The following PTPRA variants were observed in gnomAD, a reference collection of about 807,000 sequenced individuals.
PTPRA encodes protein tyrosine phosphatase receptor type A.
In PTPRA, 25 loss-of-function variants were observed where a neutral mutation model predicts 104.8. That is an observed-to-expected ratio of 0.24 (90% CI 0.17 to 0.33). PTPRA has a LOEUF of 0.33. PTPRA is among the 10% of genes least tolerant of loss of function. The pLI is 1.00. For synonymous variants in PTPRA, 323 were observed against 368.9 expected (o/e 0.88, Z 1.43); for missense variants, 765 against 1,015.3 (o/e 0.75, Z 3.35).
chr20:2,962,090 T>G (rs970810940), intron 3 of PTPRA, among the ~76,000 whole-genome samples: 1 of 152,236 alleles, frequency 6.6e-6, no homozygotes, highest in Non-Finnish European at 1.5e-5. Context: ...TGTCTCTCCA[T>G]GTAAACTTTA....
intron 1 of PTPRA, among the ~76,000 whole-genome samples, chr20:2,907,739 A>G (rs2059479026): frequency 6.6e-6 from 1 of 152,130 alleles, no homozygotes; most frequent in Non-Finnish European, 1.5e-5. Context: ...TTGAATAAAC[A>G]TCTGAACAGT....
intron 1 of PTPRA, among the ~76,000 whole-genome samples, chr20:2,900,211 G>T (rs565578529): frequency 2.0e-5 from 3 of 151,740 alleles, no homozygotes; most frequent in Non-Finnish European, 4.4e-5. Context: ...AGGCGGTAGC[G>T]CAGTGACACG....
intron 13 of PTPRA, among the ~76,000 whole-genome samples, chr20:3,019,810 G>A (rs1568700931): frequency 1.3e-5 from 2 of 152,316 alleles, no homozygotes; most frequent in East Asian, 1.9e-4. Context: ...ACGAGACTCC[G>A]TCTGCAATCC....
intron 2 of PTPRA, among the ~76,000 whole-genome samples, chr20:2,930,317 A>C (rs1490457958): frequency 1.3e-5 from 2 of 152,158 alleles, no homozygotes; most frequent in Non-Finnish European, 2.9e-5. Flanking sequence ...GTAGGTGAAA[A>C]AAGGATTCCA....
intron 1 of PTPRA, among the ~76,000 whole-genome samples, chr20:2,879,210 T>A (rs1327848724): frequency 6.6e-6 from 1 of 152,138 alleles, no homozygotes; most frequent in Non-Finnish European, 1.5e-5. Flanking sequence ...AGTTAAACAT[T>A]TGTGAAGGCC....
intron 1 of PTPRA, among the ~76,000 whole-genome samples, chr20:2,910,578 G>GTTTCTTTTTTTTTTTTTTTTTT (rs1337126801): frequency 4.3e-4 from 14 of 32,422 alleles, no homozygotes; most frequent in South Asian, 1.6e-3. Context: ...TGCCCAGCTA[G>GTTTCTTTTTTTTTTTTTTTTTT]TTTTTTTTTT....
intron 1 of PTPRA, among the ~76,000 whole-genome samples, chr20:2,890,290 T>G (rs1356587572): frequency 6.6e-6 from 1 of 152,106 alleles, no homozygotes; most frequent in East Asian, 1.9e-4. Flanking sequence ...GGCCCTACAG[T>G]TATTTTAATT....
intron 9 of PTPRA, among the ~76,000 whole-genome samples, chr20:2,990,553 T>TACA (rs768046525): frequency 1.2e-4 from 19 of 152,042 alleles, no homozygotes; most frequent in Admixed American, 2.6e-4. Context: ...ACCCCATCTC[T>TACA]ACAACAACAA....
At chr20:3,000,049 G>T (rs1020883476) in intron 9 of PTPRA, among the ~76,000 whole-genome samples, 1 of 152,142 alleles carries the variant, frequency 6.6e-6, no homozygotes, top group African/African-American at 2.4e-5. Flanking sequence ...ACTTTGGGAG[G>T]CTGAGGTAGG....
At chr20:3,025,282 G>A (rs1322009748) in intron 17 of PTPRA, among the ~76,000 whole-genome samples, 3 of 151,786 alleles carry the variant, frequency 2.0e-5, no homozygotes, top group East Asian at 1.9e-4. Flanking sequence ...GTGAAACCCC[G>A]TCTCTACTAA....
chr20:2,864,480 G>C, the PTPRA span: 1 of 1,614,056 alleles, frequency 6.2e-7, no homozygotes, highest in Admixed American at 1.7e-5. The surrounding 1 kb of genome is among the most constrained non-coding windows in gnomAD (Gnocchi z 5.2). Flanking sequence ...TAGTGGGCAG[G>C]GTTGTGGTGT....
At chr20:2,894,535 C>T (rs983935220) in intron 1 of PTPRA, among the ~76,000 whole-genome samples, 3 of 151,698 alleles carry the variant, frequency 2.0e-5, no homozygotes, top group East Asian at 1.9e-4. Flanking sequence ...CTTGAACTCC[C>T]GGGCTCAAGT....
intron 2 of PTPRA, among the ~76,000 whole-genome samples, chr20:2,934,312 G>A (rs566587084): frequency 3.9e-5 from 6 of 151,912 alleles, no homozygotes; most frequent in Non-Finnish European, 8.8e-5. Flanking sequence ...CCATGTTGCT[G>A]AGCCTGGTCT....
At chr20:2,866,120 G>A in the PTPRA span, 1 of 1,074,754 alleles carries the variant, frequency 9.3e-7, no homozygotes, top group Middle Eastern at 2.0e-4. Context: ...GAATATATAT[G>A]GACGATGTAT....
intron 1 of PTPRA, among the ~76,000 whole-genome samples, chr20:2,911,895 T>C (rs188069508): frequency 6.0e-4 from 92 of 152,172 alleles, no homozygotes; most frequent in Admixed American, 5.1e-3. Context: ...AAAAGACTGC[T>C]CTCAAACTAA....
intron 1 of PTPRA, among the ~76,000 whole-genome samples, chr20:2,905,999 A>G (rs558894823): frequency 2.3e-4 from 35 of 152,174 alleles, no homozygotes; most frequent in African/African-American, 7.0e-4. Flanking sequence ...TAAAATTCTT[A>G]AACGATCTAT....
At chr20:2,874,721 G>A (rs1038768345) in intron 1 of PTPRA, among the ~76,000 whole-genome samples, 1 of 152,182 alleles carries the variant, frequency 6.6e-6, no homozygotes, top group African/African-American at 2.4e-5. Flanking sequence ...GCTGTCACTT[G>A]TTTACTTAAA....
chr20:2,978,640 G>T (rs1307852124), intron 6 of PTPRA, among the ~76,000 whole-genome samples: 1 of 152,064 alleles, frequency 6.6e-6, no homozygotes, highest in Admixed American at 6.6e-5. Flanking sequence ...CATTTTAGTG[G>T]TTTTCATTTT....
At chr20:2,958,368 A>C (rs1342125672) in intron 3 of PTPRA, among the ~76,000 whole-genome samples, 1 of 152,084 alleles carries the variant, frequency 6.6e-6, no homozygotes, top group African/African-American at 2.4e-5. Flanking sequence ...GAAGGAAGTC[A>C]AGGAACTGAG....
Sources: allele counts gnomAD v4.1 joint callset (sites outside exome capture counted in the v4.1 genomes callset), GRCh38; gene constraint gnomAD v4.1.1; non-coding constraint Gnocchi (gnomAD v3.1); transcripts MANE v1.5; gene names NCBI Gene and HGNC (gene_info 2026-07-23, HGNC 2026-07-21).